Variants in FAM168A observed in about 807,000 individuals in gnomAD.
FAM168A encodes protein FAM168A.
Under a neutral mutation model 28.5 loss-of-function variants are expected in FAM168A, and 3 were observed. The ratio of observed to expected loss-of-function variants is 0.11; its 90% confidence interval spans 0.05 to 0.27. The LOEUF (loss-of-function observed/expected upper bound fraction) is 0.27, where lower values mean the gene tolerates loss of function less well. FAM168A is among the 10% of genes least tolerant of loss of function. FAM168A has a pLI of 1.00. For synonymous variants in FAM168A, 122 were observed against 124.2 expected, an observed-to-expected ratio of 0.98 and a Z score of 0.12; for missense variants, 222 against 311.5, an observed-to-expected ratio of 0.71 and a Z score of 2.16.
chr11:73,502,008 G>A (rs1333898340), intron 1 of FAM168A, among the ~76,000 whole-genome samples: 4 of 151,748 alleles, frequency 2.6e-5, no homozygotes, highest in Non-Finnish European at 1.5e-5. Flanking sequence ...GGCTGAGGCA[G>A]GAGAACGGCA....
chr11:73,515,725 T>A (rs910534662), intron 1 of FAM168A, among the ~76,000 whole-genome samples: 10 of 152,050 alleles, frequency 6.6e-5, no homozygotes, highest in African/African-American at 2.2e-4. Flanking sequence ...AATAGAAATG[T>A]CATAGAAAGA....
At chr11:73,589,656 C>A (rs542638325) in intron 1 of FAM168A, among the ~76,000 whole-genome samples, 1 of 152,194 alleles carries the variant, frequency 6.6e-6, no homozygotes, top group African/African-American at 2.4e-5. Context: ...CGGCTGGGCA[C>A]GGTGGCTCAC....
intron 1 of FAM168A, among the ~76,000 whole-genome samples, chr11:73,516,417 T>G (rs1943304904): frequency 6.6e-6 from 1 of 152,176 alleles, no homozygotes; most frequent in African/African-American, 2.4e-5. Context: ...ACTGAGATTG[T>G]TAACAACACT....
intron 1 of FAM168A, among the ~76,000 whole-genome samples, chr11:73,526,688 G>T (rs1943451289): frequency 6.6e-6 from 1 of 152,024 alleles, no homozygotes. Context: ...ATCGCTTATT[G>T]TTGGCTAAAC....
chr11:73,542,937 C>G (rs1324811305), intron 1 of FAM168A, among the ~76,000 whole-genome samples: 2 of 152,136 alleles, frequency 1.3e-5, no homozygotes, highest in African/African-American at 2.4e-5. Context: ...AAACCAAGTA[C>G]ATTCTCACTT....
chr11:73,433,534 G>A (rs1867034799), intron 2 of FAM168A, among the ~76,000 whole-genome samples: 1 of 151,992 alleles, frequency 6.6e-6, no homozygotes, highest in African/African-American at 2.4e-5. Flanking sequence ...TGAGATCACT[G>A]ATCCATTTTG....
chr11:73,437,425 A>C (rs1283646322), intron 2 of FAM168A, among the ~76,000 whole-genome samples: 1 of 111,728 alleles, frequency 9.0e-6, no homozygotes, highest in African/African-American at 3.6e-5. Flanking sequence ...TTTTTTTGAG[A>C]CAGAGTCTCA....
intron 1 of FAM168A, among the ~76,000 whole-genome samples, chr11:73,574,257 A>G (rs1944143967): frequency 6.6e-6 from 1 of 152,214 alleles, no homozygotes; most frequent in African/African-American, 2.4e-5. Flanking sequence ...GATCTTCACA[A>G]CAGATGGGAA....
chr11:73,517,436 T>C (rs537962986), intron 1 of FAM168A, among the ~76,000 whole-genome samples: 55 of 152,262 alleles, frequency 3.6e-4, no homozygotes, highest in Non-Finnish European at 2.9e-5. Context: ...ATTACCTGAC[T>C]GCTAGAAGCT....
chr11:73,520,339 C>A (rs1048631552), intron 1 of FAM168A, among the ~76,000 whole-genome samples: 1 of 152,062 alleles, frequency 6.6e-6, no homozygotes, highest in Non-Finnish European at 1.5e-5. Context: ...TGAGCCACCG[C>A]GCCTGGCCTA....
At chr11:73,491,457 G>C (rs1868127072) in intron 1 of FAM168A, among the ~76,000 whole-genome samples, 3 of 152,226 alleles carry the variant, frequency 2.0e-5, no homozygotes, top group South Asian at 4.1e-4. Flanking sequence ...CTAGCACAGA[G>C]AAGACTCCCA....
chr11:73,430,875 C>A (rs1565241157), intron 2 of FAM168A, 105 bp from the exon 3 acceptor site: 2 of 912,152 alleles, frequency 2.2e-6, no homozygotes, highest in East Asian at 2.7e-5. Context: ...GAATCCAAGT[C>A]CTAGGTTTGG....
chr11:73,409,806 G>T, intron 5 of FAM168A, 145 bp from the exon 6 acceptor site: 1 of 751,918 alleles, frequency 1.3e-6, no homozygotes, highest in African/African-American at 1.8e-5. Context: ...GTGCAGTGCT[G>T]GGCTCAGCTT....
intron 2 of FAM168A, among the ~76,000 whole-genome samples, chr11:73,447,557 CAAAAA>C (rs1183575850): frequency 1.1e-5 from 1 of 89,526 alleles, no homozygotes; most frequent in Non-Finnish European, 2.4e-5. Flanking sequence ...GACCCTGTCT[CAAAAA>C]AAAAAAAAAA....
In FAM168A at chr11:73,401,348, C is replaced by T. The variant is rs1317026044; in HGVS notation, c.*5415G>A. ...CCTTTCAAGATTATTACAGACAACT[C>T]CAAGTAGCTAGAGGCCTGGCCTTAC... is the stretch of plus-strand genomic sequence containing the variant. On this transcript the variant is annotated 3_prime_UTR_variant, in exon 8 of 8. Transcript: ENST00000356467. The T allele has an allele frequency of 2.0e-5, 3 of 152,108 alleles. No individual in the cohort carries two copies. Among genetic ancestry groups the T allele is most frequent in the African/African-American group, 4.8e-5 (2 of 41,402 alleles). The allele number at this position is 152,108 out of a possible 1,614,324, so 9.4% of individuals were successfully genotyped here.
intron 2 of FAM168A, among the ~76,000 whole-genome samples, chr11:73,448,960 ACTCTAT>A (rs1323060672): frequency 7.0e-4 from 106 of 150,878 alleles, no homozygotes; most frequent in African/African-American, 2.1e-3. Context: ...TCTCTCTCTA[ACTCTAT>A]CTCTATCTTT....
At chr11:73,432,740 C>T (rs1017090734) in intron 2 of FAM168A, among the ~76,000 whole-genome samples, 103 of 152,080 alleles carry the variant, frequency 6.8e-4, no homozygotes, top group Middle Eastern at 3.4e-3. Flanking sequence ...GGTGAAACCC[C>T]GTCTCTACTA....
Position 73,479,612 on chromosome 11 carries a change from G to A in FAM168A, c.-18-11120C>T, listed in dbSNP as rs565940969. Among the ~76,000 whole-genome samples the A allele has an allele frequency of 2.6e-5, 4 of 152,154 alleles. 1 individual carries two copies. Among genetic ancestry groups the A allele is most frequent in the Non-Finnish European group, 5.9e-5 (4 of 68,028 alleles). On this transcript the variant is annotated intron_variant, in intron 1 of 7. Coordinates refer to ENST00000356467, the MANE Select transcript of FAM168A (RefSeq NM_015159.3). ...TAGCTCTTAGAAAAGATCTCAGAAA[G>A]CCAGACTGTGCATGGCTACAGGTAA...
chr11:73,461,237 C>G (rs1867641811), intron 2 of FAM168A, among the ~76,000 whole-genome samples: 1 of 152,138 alleles, frequency 6.6e-6, no homozygotes, highest in African/African-American at 2.4e-5. Context: ...CCAACTCAGC[C>G]TCCAGAGTAG....
Sources: allele counts gnomAD v4.1 joint callset (sites outside exome capture counted in the v4.1 genomes callset), GRCh38; gene constraint gnomAD v4.1.1; transcripts MANE v1.5; gene names NCBI Gene and HGNC (gene_info 2026-07-23, HGNC 2026-07-21).